Variants in SHISA9 observed in about 807,000 individuals in gnomAD.
The protein encoded by SHISA9 is shisa family member 9.
A neutral mutation model predicts 38.0 loss-of-function variants in SHISA9; 13 were observed. The ratio of observed to expected loss-of-function variants is 0.34; its 90% confidence interval spans 0.22 to 0.54. The LOEUF (loss-of-function observed/expected upper bound fraction) is 0.54, where lower values mean the gene tolerates loss of function less well. Among genes scored for constraint, SHISA9 ranks in the 20% least tolerant of loss-of-function variants. SHISA9 has a pLI of 0.91. For synonymous variants in SHISA9, 275 were observed against 242.0 expected, an observed-to-expected ratio of 1.14 and a Z score of -1.27; for missense variants, 538 against 575.8, an observed-to-expected ratio of 0.93 and a Z score of 0.67.
chr16:13,298,298 A>G, the SHISA9 span, among the ~76,000 whole-genome samples: 1 of 151,980 alleles, frequency 6.6e-6, no homozygotes, highest in Admixed American at 6.6e-5. Flanking sequence ...TGATGATCAA[A>G]CTCCTATAGG....
At chr16:12,917,685 C>T (rs1199092822) in intron 2 of SHISA9, among the ~76,000 whole-genome samples, 1 of 152,028 alleles carries the variant, frequency 6.6e-6, no homozygotes, top group Non-Finnish European at 1.5e-5. Context: ...CAAGTAACCC[C>T]CACATTAAAG....
intron 2 of SHISA9, chr16:13,203,146 T>G: frequency 2.8e-6 from 1 of 354,844 alleles, no homozygotes; most frequent in Non-Finnish European, 5.0e-6. Flanking sequence ...CCTTAACATG[T>G]TAGTTTAACA....
At chr16:13,531,900 T>C in the SHISA9 span, among the ~76,000 whole-genome samples, 1 of 152,310 alleles carries the variant, frequency 6.6e-6, no homozygotes, top group Admixed American at 6.5e-5. Context: ...CTCGAGCACT[T>C]TCATACCTTT....
At chr16:13,471,861 G>A in the SHISA9 span, among the ~76,000 whole-genome samples, 1 of 152,148 alleles carries the variant, frequency 6.6e-6, no homozygotes, top group Non-Finnish European at 1.5e-5. Flanking sequence ...AGGTCAGCTA[G>A]TGTTATAGCA....
chr16:13,490,758 C>G, the SHISA9 span, among the ~76,000 whole-genome samples: 2 of 152,156 alleles, frequency 1.3e-5, no homozygotes, highest in Admixed American at 1.3e-4. Flanking sequence ...CCAGGCAAAG[C>G]ACTTAGCACT....
the SHISA9 span, among the ~76,000 whole-genome samples, chr16:13,303,276 A>G: frequency 6.6e-6 from 1 of 152,248 alleles, no homozygotes; most frequent in African/African-American, 2.4e-5. Context: ...ATGTGCATGT[A>G]TGTTCATAAC....
intron 2 of SHISA9, among the ~76,000 whole-genome samples, chr16:13,154,738 C>A (rs2050528582): frequency 6.6e-6 from 1 of 152,210 alleles, no homozygotes; most frequent in Non-Finnish European, 1.5e-5. Context: ...TGCAGAGCAC[C>A]AAAGTGGTCT....
At chr16:12,955,581 G>C (rs901249913) in intron 2 of SHISA9, among the ~76,000 whole-genome samples, 7 of 149,768 alleles carry the variant, frequency 4.7e-5, no homozygotes, top group Non-Finnish European at 1.0e-4. Flanking sequence ...AGAACAAATA[G>C]AGAACCCAGA....
the SHISA9 span, among the ~76,000 whole-genome samples, chr16:13,445,523 G>T: frequency 6.6e-6 from 1 of 152,194 alleles, no homozygotes; most frequent in African/African-American, 2.4e-5. Context: ...TAGTGATAGT[G>T]AAAAGAGGCT....
chr16:13,187,503 T>C (rs1356957935), intron 2 of SHISA9, among the ~76,000 whole-genome samples: 1 of 151,640 alleles, frequency 6.6e-6, no homozygotes, highest in Admixed American at 6.6e-5. Context: ...CTGGGCTAAT[T>C]TTTGTATTTT....
chr16:13,373,290 C>T, the SHISA9 span, among the ~76,000 whole-genome samples: 1 of 152,190 alleles, frequency 6.6e-6, no homozygotes, highest in Non-Finnish European at 1.5e-5. Flanking sequence ...GTTGCAAACA[C>T]TTGGGTATAG....
chr16:13,444,787 C>A, the SHISA9 span, among the ~76,000 whole-genome samples: 4 of 144,688 alleles, frequency 2.8e-5, no homozygotes, highest in Non-Finnish European at 4.4e-5. Context: ...TCTTCCCTCC[C>A]TCTTCCCTCC....
the SHISA9 span, among the ~76,000 whole-genome samples, chr16:13,346,521 G>C: frequency 6.6e-6 from 1 of 152,146 alleles, no homozygotes; most frequent in Non-Finnish European, 1.5e-5. Context: ...ATTGACCCTT[G>C]TTGTTGGCTT....
chr16:13,488,331 A>G, the SHISA9 span, among the ~76,000 whole-genome samples: 1 of 152,086 alleles, frequency 6.6e-6, no homozygotes, highest in Non-Finnish European at 1.5e-5. Flanking sequence ...GTTATTAATT[A>G]TGAACTGTTA....
At chr16:13,460,402 C>A in the SHISA9 span, among the ~76,000 whole-genome samples, 2 of 151,854 alleles carry the variant, frequency 1.3e-5, no homozygotes, top group Non-Finnish European at 2.9e-5. Context: ...CACAACAAGC[C>A]CCCCCGATCC....
the SHISA9 span, among the ~76,000 whole-genome samples, chr16:13,296,694 C>A: frequency 6.6e-6 from 1 of 151,710 alleles, no homozygotes; most frequent in East Asian, 1.9e-4. Context: ...AGTTCAAGAC[C>A]AGCCTGGCCA....
the SHISA9 span, among the ~76,000 whole-genome samples, chr16:13,394,690 G>C: frequency 6.6e-6 from 1 of 152,162 alleles, no homozygotes. Context: ...TCTTTGTGCC[G>C]TGTTCTTCCA....
chr16:13,261,102 C>T, the SHISA9 span, among the ~76,000 whole-genome samples: 1 of 152,140 alleles, frequency 6.6e-6, no homozygotes, highest in Non-Finnish European at 1.5e-5. Context: ...TCCCACAACA[C>T]TTGGGAATTC....
At chr16:13,513,989 TA>T in the SHISA9 span, among the ~76,000 whole-genome samples, 1 of 137,068 alleles carries the variant, frequency 7.3e-6, no homozygotes, top group South Asian at 2.4e-4. Flanking sequence ...GAATGTAAAG[TA>T]AAATAAAATA....
Sources: gnomAD v4.1 joint callset for allele counts (sites outside exome capture counted in the v4.1 genomes callset) on GRCh38, gnomAD v4.1.1 for gene constraint, MANE v1.5 for transcripts, NCBI Gene and HGNC (gene_info 2026-07-23, HGNC 2026-07-21) for gene names.